The following ELAVL2 variants were observed in gnomAD, a reference collection of about 807,000 sequenced individuals.
ELAVL2 encodes the protein ELAV like RNA binding protein 2, also known as ELAV-like protein 2.
In ELAVL2, 4 loss-of-function variants were observed where a neutral mutation model predicts 34.6. That is an observed-to-expected ratio of 0.12 (90% CI 0.06 to 0.26). The LOEUF (loss-of-function observed/expected upper bound fraction) is 0.26. Ranked by LOEUF, ELAVL2 falls within the 10% of genes least tolerant of loss-of-function variation. The probability of loss-of-function intolerance (pLI) is 1.00; values close to 1 mark genes in which losing one functional copy is unlikely to be tolerated. For missense variants in ELAVL2, 432 were observed against 442.8 expected, an observed-to-expected ratio of 0.98 and a Z score of 0.22; for synonymous variants, 193 against 154.8, an observed-to-expected ratio of 1.25 and a Z score of -1.83.
At chr9:23,801,587 A>T (rs891200681) in intron 1 of ELAVL2, among the ~76,000 whole-genome samples, 1 of 152,184 alleles carries the variant, frequency 6.6e-6, no homozygotes, top group Admixed American at 6.5e-5. Context: ...TTTAAACAGA[A>T]ATCAACATCA....
In ELAVL2 at chr9:23,761,987, T is replaced by C; in HGVS notation, c.229+19A>G. On this transcript the variant is annotated intron_variant, in intron 2 of 6. Transcript: ENST00000397312. ...GACACGATCCGTTAAATATAAATCA[T>C]CTACATAAAACTGCTTACCTGTTAT... 6.3e-7 allele frequency: 1 copy of C among 1,594,580 alleles called. No homozygotes were observed. The highest frequency in any genetic ancestry group is 2.2e-5 in the East Asian group (1 of 44,458).
intron 4 of ELAVL2, among the ~76,000 whole-genome samples, chr9:23,702,974 A>AAAAAAAC (rs2037944587): frequency 5.0e-5 from 7 of 139,300 alleles, no homozygotes; most frequent in Non-Finnish European, 7.6e-5. Flanking sequence ...AAAAAAAAAA[A>AAAAAAAC]AAAAAAACAG....
intron 3 of ELAVL2, among the ~76,000 whole-genome samples, chr9:23,716,898 G>T (rs1413595507): frequency 6.6e-6 from 1 of 152,186 alleles, no homozygotes; most frequent in Non-Finnish European, 1.5e-5. Context: ...GACAACACTA[G>T]AACAGTGAGT....
At chr9:23,812,792 T>C (rs2063183293) in intron 1 of ELAVL2, among the ~76,000 whole-genome samples, 1 of 151,556 alleles carries the variant, frequency 6.6e-6, no homozygotes, top group African/African-American at 2.4e-5. Flanking sequence ...AGTAAGCCAA[T>C]GCTTAAAACT....
rs137935063 is a variant in ELAVL2, at chr9:23,726,338, A to G, written c.333+4684T>C. 4.6e-3 allele frequency among the ~76,000 whole-genome samples: 703 copies of G among 152,256 alleles called. 3 individuals are homozygous for G. The highest frequency in any genetic ancestry group is 7.5e-3 in the Non-Finnish European group (511 of 68,002). On this transcript the variant is annotated intron_variant, in intron 3 of 6. Coordinates refer to ENST00000397312, the MANE Select transcript of ELAVL2 (RefSeq NM_004432.5). ...AAATTTCATGATTGTATACCAATTA[A>G]TAACTTTTAAGCAAAGGTAAATTTT...
chr9:23,801,384 G>A (rs1468095829), intron 1 of ELAVL2, among the ~76,000 whole-genome samples: 2 of 152,088 alleles, frequency 1.3e-5, no homozygotes, highest in Non-Finnish European at 2.9e-5. Context: ...TGAATGTTGT[G>A]CTTGAAAGGA....
At chr9:23,697,762 AC>A (rs1230170358) in intron 5 of ELAVL2, among the ~76,000 whole-genome samples, 1 of 152,182 alleles carries the variant, frequency 6.6e-6, no homozygotes, top group Non-Finnish European at 1.5e-5. Flanking sequence ...GGGAAGGCCT[AC>A]ATGTAAGTAA....
At chr9:23,747,048 C>T (rs1490394452) in intron 2 of ELAVL2, among the ~76,000 whole-genome samples, 1 of 152,106 alleles carries the variant, frequency 6.6e-6, no homozygotes, top group Non-Finnish European at 1.5e-5. Context: ...ACAAGAAGTT[C>T]CACTAGCCGA....
intron 1 of ELAVL2, among the ~76,000 whole-genome samples, chr9:23,765,848 T>C (rs1478435499): frequency 1.3e-5 from 2 of 152,184 alleles, no homozygotes; most frequent in African/African-American, 4.8e-5. Context: ...AATATGTAAA[T>C]TGTAAACCCA....
chr9:23,840,984 T>C, the ELAVL2 span, among the ~76,000 whole-genome samples: 2 of 152,272 alleles, frequency 1.3e-5, no homozygotes, highest in East Asian at 3.9e-4. Context: ...TTACTCACCA[T>C]GATTGTCTAA....
chr9:23,698,495 G>T (rs960772726), intron 5 of ELAVL2, among the ~76,000 whole-genome samples: 20 of 151,916 alleles, frequency 1.3e-4, no homozygotes, highest in African/African-American at 4.8e-4. Flanking sequence ...AAGTATTCTT[G>T]ACCATAATAC....
intron 3 of ELAVL2, among the ~76,000 whole-genome samples, chr9:23,720,122 T>G (rs1481023258): frequency 6.6e-6 from 1 of 151,774 alleles, no homozygotes. Flanking sequence ...CCACCGCGCC[T>G]GGCTCAAAAG....
the ELAVL2 span, among the ~76,000 whole-genome samples, chr9:23,834,034 G>T: frequency 6.6e-6 from 1 of 151,930 alleles, no homozygotes; most frequent in South Asian, 2.1e-4. Flanking sequence ...ATTTCAATTT[G>T]GTTCAGCATC....
chr9:23,795,444 G>A (rs1383776094), intron 1 of ELAVL2, among the ~76,000 whole-genome samples: 1 of 152,148 alleles, frequency 6.6e-6, no homozygotes, highest in Non-Finnish European at 1.5e-5. Context: ...TCGCGAGGCT[G>A]TGACAGGAGA....
chr9:23,709,587 G>C (rs1356329612), intron 3 of ELAVL2, among the ~76,000 whole-genome samples: 1 of 152,142 alleles, frequency 6.6e-6, no homozygotes, highest in East Asian at 1.9e-4. Context: ...AGGCCCAAAA[G>C]AGTTCGCTTT....
In ELAVL2 at chr9:23,729,652, T is replaced by C. The variant is rs140583497; in HGVS notation, c.333+1370A>G. 4.2e-3 allele frequency among the ~76,000 whole-genome samples: 635 copies of C among 152,244 alleles called. 2 individuals carry two copies. The highest frequency in any genetic ancestry group is 0.014 in the African/African-American group (601 of 41,552). Reference sequence around the variant, plus strand: ...TGAATCTTTTCATAGAACAGTTTCTTGCTCAAGAAGTATCTAGAATTCTTG... The same window carrying C: ...TGAATCTTTTCATAGAACAGTTTCTCGCTCAAGAAGTATCTAGAATTCTTG... On this transcript the variant is annotated intron_variant, in intron 3 of 6. Transcript: ENST00000397312.
chr9:23,759,787 T>C (rs1034738278), intron 2 of ELAVL2, among the ~76,000 whole-genome samples: 1 of 106,502 alleles, frequency 9.4e-6, no homozygotes, highest in African/African-American at 3.1e-5. Flanking sequence ...TATATATATA[T>C]ATAATGTATA....
At chr9:23,750,560 C>T (rs1240001634) in intron 2 of ELAVL2, among the ~76,000 whole-genome samples, 1 of 151,988 alleles carries the variant, frequency 6.6e-6, no homozygotes, top group African/African-American at 2.4e-5. Context: ...TCACTTGGCA[C>T]CATGTTTAAA....
Position 23,692,160 on chromosome 9 carries a change from A to C in ELAVL2, c.*397T>G, listed in dbSNP as rs2033363873. 1 of 163,972 alleles carries C rather than the reference A, an allele frequency of 6.1e-6. No individual in the cohort carries two copies. Among genetic ancestry groups the C allele is most frequent in the African/African-American group, 2.4e-5 (1 of 41,724 alleles). The allele number at this position is 163,972 out of a possible 1,614,324, so 10.2% of individuals were successfully genotyped here. On this transcript the variant is annotated 3_prime_UTR_variant, in exon 7 of 7. Coordinates refer to ENST00000397312, the MANE Select transcript of ELAVL2 (RefSeq NM_004432.5). ...AAAGCTAATCAGAAAAAGGAAAAAA[A>C]GGGGGGAAAAAAAAGACACAACCAA... is the stretch of plus-strand genomic sequence containing the variant.
Sources: gnomAD v4.1 joint callset for allele counts (sites outside exome capture counted in the v4.1 genomes callset) on GRCh38, gnomAD v4.1.1 for gene constraint, MANE v1.5 for transcripts, NCBI Gene and HGNC (gene_info 2026-07-23, HGNC 2026-07-21) for gene names.